MCM5: variants seen among roughly 807,000 people sequenced by gnomAD.
MCM5 encodes DNA replication licensing factor MCM5.
In MCM5, 46 loss-of-function variants were observed where a neutral mutation model predicts 79.9. The observed-to-expected ratio is 0.58, with a 90% CI of 0.45 to 0.74. The LOEUF (loss-of-function observed/expected upper bound fraction) is 0.74. MCM5 is among the 30% of genes least tolerant of loss of function. The probability of loss-of-function intolerance (pLI) is 0.00; values close to 1 mark genes in which losing one functional copy is unlikely to be tolerated. For missense variants in MCM5, 883 were observed against 1,017.0 expected (o/e 0.87, Z 1.79); for synonymous variants, 404 against 390.5 (o/e 1.03, Z -0.41).
rs575037844 is a variant in MCM5 at position 35,416,483 on chromosome 22, C to A, written c.1413+79C>A. The A allele has an allele frequency of 2.0e-3, 2,931 of 1,480,016 alleles. 11 individuals are homozygous for A. The highest frequency in any genetic ancestry group is 2.5e-3 in the Non-Finnish European group (2,641 of 1,071,934). The allele number at this position is 1,480,016 out of a possible 1,614,324, so 91.7% of individuals were successfully genotyped here. ...CGTCCTCAGGCTGCCCTGATTGGGA[C>A]CAAGTTCTCTTTGCCCAGGCCTAGA... On this transcript the variant is annotated intron_variant, in intron 11 of 16. Coordinates refer to ENST00000216122, the MANE Select transcript of MCM5 (RefSeq NM_006739.4).
Position 35,400,574 on chromosome 22 carries a change from A to T in MCM5, c.136A>T (p.Thr46Ser). Residue 46 changes from threonine to serine, a missense_variant, in exon 2 of 17, where the codon ACC becomes TCC. By Grantham distance (58) the Thr-to-Ser change is moderately conservative. Coordinates refer to ENST00000216122, the MANE Select transcript of MCM5 (RefSeq NM_006739.4). ...GTTCCTGCGGCAGTACCGAGTGGGC[A>T]CCGACCGCACGGGCTTCACCTTCAA... is the stretch of plus-strand genomic sequence containing the variant. ...KEFLRQYRVGTDRTGFTFKYR... is the reference protein window; with the variant it reads ...KEFLRQYRVGSDRTGFTFKYR... The T allele has an allele frequency of 6.2e-7, 1 of 1,613,226 alleles. No homozygotes were observed. The highest frequency in any genetic ancestry group is 2.2e-5 in the East Asian group (1 of 44,822).
chr22:35,449,506 C>T, the MCM5 span, among the ~76,000 whole-genome samples: 2 of 152,198 alleles, frequency 1.3e-5, no homozygotes, highest in African/African-American at 2.4e-5. Flanking sequence ...CCTCTCTGCC[C>T]AGCCGTGGCT....
chr22:35,412,545 G>A lies in MCM5; in HGVS notation c.955G>A (p.Glu319Lys). The change falls in exon 8 of 17, where the codon GAG becomes AAG. Residue 319 changes from glutamate (E) to lysine (K), a missense_variant. Glu to Lys is a moderately conservative substitution (Grantham distance 56). Around this residue, in one of 3 missense-constraint regions of MCM5, gnomAD observed 455 missense variants for 517.5 expected, o/e 0.88. Coordinates refer to ENST00000216122, the MANE Select transcript of MCM5 (RefSeq NM_006739.4). The stretch of plus-strand genomic sequence containing the variant: ...TGCTGGGGCCGTGAGCCCCCAGGAG[G>A]AGGAGGAGTTCCGTCGCCTGGCTGC... ...SFAGAVSPQEEEEFRRLAALP... is the reference protein window; with the variant it reads ...SFAGAVSPQEKEEFRRLAALP... The A allele has an allele frequency of 6.3e-7, 1 of 1,578,092 alleles. No homozygotes were observed. Among genetic ancestry groups the A allele is most frequent in the Non-Finnish European group, 8.6e-7 (1 of 1,160,010 alleles).
intron 6 of MCM5, chr22:35,409,590 A>C (rs1466395157): frequency 6.6e-6 from 1 of 152,200 alleles, no homozygotes; most frequent in East Asian, 1.9e-4. Flanking sequence ...GAAAACAAAA[A>C]AGATTCTACT....
chr22:35,420,089 C>G (rs1932657325), intron 14 of MCM5, 77 bp downstream of exon 14: 2 of 1,506,520 alleles, frequency 1.3e-6, no homozygotes, highest in African/African-American at 2.8e-5. Context: ...CAACCAGGGG[C>G]AGTGGTCCAG....
intron 16 of MCM5, 75 bp downstream of exon 16, chr22:35,423,416 C>G: frequency 6.8e-7 from 1 of 1,481,396 alleles, no homozygotes; most frequent in South Asian, 1.3e-5. Context: ...CCACTCAGCA[C>G]TGGCATCTTA....
intron 2 of MCM5, chr22:35,401,319 A>G: frequency 2.2e-6 from 1 of 451,920 alleles, no homozygotes; most frequent in Non-Finnish European, 4.7e-6. Context: ...GTAAAAGGTG[A>G]AGATGGCAGT....
the MCM5 span, among the ~76,000 whole-genome samples, chr22:35,431,693 C>T: frequency 6.6e-6 from 1 of 152,098 alleles, no homozygotes; most frequent in Non-Finnish European, 1.5e-5. Flanking sequence ...TTCCCACTGC[C>T]ATCCCTGTCA....
At chr22:35,429,210 T>G (rs1601767660), downstream of MCM5, among the ~76,000 whole-genome samples, 1 of 152,026 alleles carries the variant, frequency 6.6e-6, no homozygotes, top group East Asian at 1.9e-4. Context: ...GGTCTTGATC[T>G]CCTGACCTCA....
chr22:35,453,829 G>T, the MCM5 span, among the ~76,000 whole-genome samples: 31 of 144,706 alleles, frequency 2.1e-4, no homozygotes, highest in African/African-American at 3.1e-4. Flanking sequence ...TAGAGAGAGA[G>T]AGAGAGAGAG....
chr22:35,423,481 C>A, intron 16 of MCM5, 140 bp downstream of exon 16: 4 of 873,732 alleles, frequency 4.6e-6, no homozygotes, highest in Non-Finnish European at 6.5e-6. Flanking sequence ...CTTTCTCAGA[C>A]CTTTTCTAGC....
chr22:35,419,873 C>T lies in MCM5; in HGVS notation c.1704-11C>T, dbSNP rs1453421399. On this transcript the variant is annotated splice_polypyrimidine_tract_variant and intron_variant, in intron 13 of 16. Transcript: ENST00000216122. Reference sequence around the variant, plus strand: ...CTGGCCTCACACCAGCCTCTCCCCACTGTCCTGCAGGAAGTGTGGCCCCCG... The same window carrying T: ...CTGGCCTCACACCAGCCTCTCCCCATTGTCCTGCAGGAAGTGTGGCCCCCG... 1.9e-6 allele frequency: 3 copies of T among 1,605,126 alleles called. No homozygotes were observed. Among genetic ancestry groups the T allele is most frequent in the Non-Finnish European group, 2.6e-6 (3 of 1,174,886 alleles).
intron 4 of MCM5, among the ~76,000 whole-genome samples, chr22:35,406,305 C>CA (rs1932213003): frequency 6.9e-6 from 1 of 144,878 alleles, no homozygotes; most frequent in South Asian, 2.3e-4. Context: ...CACCTCCCCC[C>CA]CCAATTGTGC....
Position 35,423,345 on chromosome 22 carries a change from A to G in MCM5, c.2103+4A>G. ...CATCAAGGACTTCACCAAGCAGGTG[A>G]GCCTGCCTTGGAGTGGGGGTGTGAG... On this transcript the variant is annotated splice_donor_region_variant and intron_variant, in intron 16 of 16. Coordinates refer to ENST00000216122, the MANE Select transcript of MCM5 (RefSeq NM_006739.4). 1 of 1,594,994 alleles carries G rather than the reference A, an allele frequency of 6.3e-7. No individual in the cohort carries two copies. The highest frequency in any genetic ancestry group is 8.6e-7 in the Non-Finnish European group (1 of 1,167,078).
In MCM5 at chr22:35,424,433, G is replaced by T; in HGVS notation, c.*178G>T. 1 of 551,786 alleles carries T rather than the reference G, an allele frequency of 1.8e-6. No homozygotes were observed. Among genetic ancestry groups the T allele is most frequent in the South Asian group, 2.3e-5 (1 of 43,122 alleles). The allele number at this position is 551,786 out of a possible 1,614,324, so 34.2% of individuals were successfully genotyped here. A position where few individuals can be genotyped will look rare whatever the true frequency, so the allele number is the denominator to read the frequency against. Reference sequence around the variant, plus strand: ...AGTGTCCTGCTGCCTCTGGGCGCCCGCCTCTAGCGCGGTTCTGGGAAGTGT... The same window carrying T: ...AGTGTCCTGCTGCCTCTGGGCGCCCTCCTCTAGCGCGGTTCTGGGAAGTGT... On this transcript the variant is annotated 3_prime_UTR_variant, in exon 17 of 17. Transcript: ENST00000216122.
chr22:35,417,665 T>C, intron 12 of MCM5, 79 bp from the exon 13 acceptor site: 1 of 1,004,710 alleles, frequency 1.0e-6, no homozygotes, highest in Admixed American at 1.7e-5. Flanking sequence ...ATCAGCTCTT[T>C]CTGGCTGTTC....
chr22:35,437,251 G>A, the MCM5 span, among the ~76,000 whole-genome samples: 3 of 152,158 alleles, frequency 2.0e-5, no homozygotes, highest in Non-Finnish European at 4.4e-5. Flanking sequence ...CAATCAGAAT[G>A]CCCCATCCCC....
At chr22:35,400,324 G>A (rs1463641513) in intron 1 of MCM5, 107 bp from the exon 2 acceptor site, 8 of 1,298,680 alleles carry the variant, frequency 6.2e-6, no homozygotes, top group South Asian at 1.2e-5. Flanking sequence ...CGGGAGCGCG[G>A]CCGGGGGTCC....
At chr22:35,410,702 A>G (rs778816869) in intron 6 of MCM5, 42 bp from the exon 7 acceptor site, 1 of 1,593,566 alleles carries the variant, frequency 6.3e-7, no homozygotes, top group South Asian at 1.1e-5. Flanking sequence ...TGTCCAAGTC[A>G]GAATCTCAGC....
Sources: gnomAD v4.1 joint callset for allele counts (sites outside exome capture counted in the v4.1 genomes callset) on GRCh38, gnomAD v4.1.1 for gene constraint, gnomAD v4.1.1 regional missense constraint, MANE v1.5 for transcripts, NCBI Gene and HGNC (gene_info 2026-07-23, HGNC 2026-07-21) for gene names.